The following PRKAG2 variants were observed in gnomAD, a reference collection of about 807,000 sequenced individuals.
PRKAG2 encodes the protein 5'-AMP-activated protein kinase subunit gamma-2.
In PRKAG2, 26 loss-of-function variants were observed where a neutral mutation model predicts 69.6. The observed-to-expected ratio is 0.37, with a 90% CI of 0.27 to 0.52. The LOEUF is 0.52. Ranked by LOEUF, PRKAG2 falls within the 20% of genes least tolerant of loss-of-function variation. The pLI is 0.90. For synonymous variants in PRKAG2, 293 were observed against 285.0 expected (o/e 1.03, Z -0.28); for missense variants, 557 against 740.0 (o/e 0.75, Z 2.87).
chr7:151,751,512 T>C (rs897364750), intron 3 of PRKAG2, among the ~76,000 whole-genome samples: 1 of 151,576 alleles, frequency 6.6e-6, no homozygotes, highest in Non-Finnish European at 1.5e-5. Flanking sequence ...TATTTATTTA[T>C]TTATTTATTT....
At chr7:151,810,996 G>T (rs1186958980) in intron 1 of PRKAG2, among the ~76,000 whole-genome samples, 1 of 152,124 alleles carries the variant, frequency 6.6e-6, no homozygotes, top group African/African-American at 2.4e-5. Flanking sequence ...AGGTGGCGGA[G>T]AGGGCAGACC....
At chr7:151,575,060 G>A (rs996178751) in intron 7 of PRKAG2, 111 bp from the exon 8 acceptor site, 69 of 1,427,410 alleles carry the variant, frequency 4.8e-5, no homozygotes, top group South Asian at 9.1e-5. Flanking sequence ...AATATACTTC[G>A]AAGATATCAA....
In PRKAG2 at chr7:151,809,300, G is replaced by A. The variant is rs537637463; in HGVS notation, c.115-22759C>T. 4.4e-4 allele frequency: 199 copies of A among 456,204 alleles called. 2 individuals are homozygous for A. The highest frequency in any genetic ancestry group is 2.9e-3 in the South Asian group (189 of 64,490). 28.3% of individuals were successfully genotyped at this position (456,204 alleles called of 1,614,324 possible). Reference sequence around the variant, plus strand: ...TTCCCACACACCCCTACCCCGAGACGGGTGCAGAATCAGCAGCGGGGATCA... The same window carrying A: ...TTCCCACACACCCCTACCCCGAGACAGGTGCAGAATCAGCAGCGGGGATCA... On this transcript the variant is annotated intron_variant, in intron 1 of 15. Transcript: ENST00000287878.
chr7:151,813,183 T>C (rs2078510750), intron 1 of PRKAG2, among the ~76,000 whole-genome samples: 1 of 152,120 alleles, frequency 6.6e-6, no homozygotes, highest in African/African-American at 2.4e-5. Context: ...GTCCCCGAAT[T>C]CTCGATTTAT....
At chr7:151,770,700 A>G (rs1271180982) in intron 3 of PRKAG2, among the ~76,000 whole-genome samples, 4 of 152,300 alleles carry the variant, frequency 2.6e-5, no homozygotes, top group South Asian at 4.1e-4. Context: ...CTTGATTCTT[A>G]TGGAGTGACC....
At chr7:151,741,161 C>T (rs1271749726) in intron 3 of PRKAG2, among the ~76,000 whole-genome samples, 3 of 151,086 alleles carry the variant, frequency 2.0e-5, no homozygotes, top group African/African-American at 7.3e-5. Context: ...TCTAGTGAGC[C>T]ATGATCCTGC....
intron 1 of PRKAG2, among the ~76,000 whole-genome samples, chr7:151,851,299 C>T (rs1035213464): frequency 8.0e-5 from 12 of 150,728 alleles, no homozygotes; most frequent in Non-Finnish European, 1.3e-4. Flanking sequence ...TTGCTAAGAA[C>T]GGGTTTTCCC....
chr7:151,559,243 C>T (rs1804410371), intron 15 of PRKAG2: 1 of 974,878 alleles, frequency 1.0e-6, no homozygotes, highest in Non-Finnish European at 1.2e-6. Context: ...GTTTTCAATC[C>T]TGTATCGTAT....
At chr7:151,639,208 G>A (rs1826254782) in intron 4 of PRKAG2, among the ~76,000 whole-genome samples, 1 of 152,116 alleles carries the variant, frequency 6.6e-6, no homozygotes, top group Non-Finnish European at 1.5e-5. Flanking sequence ...GGGTCTTGCC[G>A]TCTTGGTTTC....
intron 7 of PRKAG2, 142 bp from the exon 8 acceptor site, chr7:151,575,091 T>C: frequency 7.9e-7 from 1 of 1,265,600 alleles, no homozygotes; most frequent in Non-Finnish European, 1.1e-6. Flanking sequence ...ATATATTATT[T>C]AAAACTATTG....
At chr7:151,734,757 C>T (rs1799491498) in intron 3 of PRKAG2, among the ~76,000 whole-genome samples, 1 of 151,922 alleles carries the variant, frequency 6.6e-6, no homozygotes, top group Admixed American at 6.6e-5. Flanking sequence ...CATTATGTTG[C>T]CCAGGCTTGT....
intron 4 of PRKAG2, among the ~76,000 whole-genome samples, chr7:151,663,633 T>C (rs1241210250): frequency 6.6e-6 from 1 of 152,230 alleles, no homozygotes; most frequent in East Asian, 1.9e-4. Context: ...CCGCTGGGAT[T>C]ACAGGCGTAA....
Position 151,680,576 on chromosome 7 carries a change from C to A in PRKAG2, c.467-4939G>T, listed in dbSNP as rs141310865. On this transcript the variant is annotated intron_variant, in intron 3 of 15. Coordinates refer to ENST00000287878, the MANE Select transcript of PRKAG2 (RefSeq NM_016203.4). ...CACTGGCTGTCTCCAGGGAAGGGAA[C>A]AACTGGCAGGGAGGACTTTCATCAT... Among the ~76,000 whole-genome samples, 609 of 152,350 alleles carry A rather than the reference C, an allele frequency of 4.0e-3. 4 individuals carry two copies. The highest frequency in any genetic ancestry group is 0.014 in the African/African-American group (568 of 41,590).
At position 151,768,733 on chromosome 7, in the gene PRKAG2, C is replaced by T. The variant is rs1448054702; in HGVS notation, c.466+12419G>A. On this transcript the variant is annotated intron_variant, in intron 3 of 15. Transcript: ENST00000287878. ...CTGCCCACCTCAGCCTCCCAAAGGG[C>T]TGAGATTGTAGGCGTGAGCCACTGC... Among the ~76,000 whole-genome samples, 3 of 152,240 alleles carry T rather than the reference C, an allele frequency of 2.0e-5. No individual in the cohort carries two copies. The East Asian group carries it at 5.8e-4, about 29-fold the overall frequency.
intron 6 of PRKAG2, among the ~76,000 whole-genome samples, chr7:151,584,664 A>C (rs1811229092): frequency 1.3e-5 from 2 of 152,248 alleles, no homozygotes; most frequent in African/African-American, 4.8e-5. Flanking sequence ...GGGAGGCCGC[A>C]GCGCTGAGGA....
chr7:151,674,750 C>G (rs1832628279), intron 4 of PRKAG2, among the ~76,000 whole-genome samples: 1 of 118,556 alleles, frequency 8.4e-6, no homozygotes, highest in Non-Finnish European at 1.8e-5. Flanking sequence ...TAGAATAACA[C>G]TTCTGTTTTA....
At chr7:151,678,076 G>A (rs2727540) in intron 3 of PRKAG2, among the ~76,000 whole-genome samples, 128,484 of 152,110 alleles carry the variant, frequency 0.84, 54,446 homozygotes, top group Middle Eastern at 0.94. Flanking sequence ...CCTCCTCCTC[G>A]CAGCTCCCAG....
chr7:151,619,797 G>T (rs558464930), intron 5 of PRKAG2, among the ~76,000 whole-genome samples: 1 of 152,182 alleles, frequency 6.6e-6, no homozygotes, highest in Non-Finnish European at 1.5e-5. Context: ...GAGGTGGGAG[G>T]ATCACCTGAG....
Position 151,565,859 on chromosome 7 carries a change from G to C in PRKAG2, c.1260C>G (p.Phe420Leu). The change falls in exon 12 of 16, where the codon TTC becomes TTG. Residue 420 changes from phenylalanine to leucine, a missense_variant. Phe to Leu is a conservative substitution (Grantham distance 22). Coordinates refer to ENST00000287878, the MANE Select transcript of PRKAG2 (RefSeq NM_016203.4). ...CAAGCTCATCCAGGTTCTGCTTCAT[G>C]AAGGCAGGCTTTGGCATATCAGACA... ...LFMSDMPKPA[F>L]MKQNLDELGI... The C allele has an allele frequency of 2.5e-6, 4 of 1,613,834 alleles. No individual in the cohort carries two copies. Among genetic ancestry groups the C allele is most frequent in the Non-Finnish European group, 3.4e-6 (4 of 1,179,682 alleles).
Sources: allele counts gnomAD v4.1 joint callset (sites outside exome capture counted in the v4.1 genomes callset), GRCh38; gene constraint gnomAD v4.1.1; transcripts MANE v1.5; gene names NCBI Gene and HGNC (gene_info 2026-07-23, HGNC 2026-07-21).